Variants in MGAM observed in about 807,000 individuals in gnomAD.
The protein encoded by MGAM is maltase-glucoamylase, also known as alpha-1,4-glucosidase.
MGAM carries 253 observed loss-of-function variants against 358.8 expected under a neutral mutation model. That is an observed-to-expected ratio of 0.71 (90% CI 0.64 to 0.78). The LOEUF is 0.78. Among genes scored for constraint, MGAM ranks in the 30% least tolerant of loss-of-function variants. The probability of loss-of-function intolerance (pLI) is 0.00; values close to 1 mark genes in which losing one functional copy is unlikely to be tolerated. For missense variants in MGAM, 3,080 were observed against 3,432.6 expected (o/e 0.90, Z 2.57); for synonymous variants, 1,105 against 1,227.1 (o/e 0.90, Z 2.08).
chr7:142,003,001 G>A (rs1804854598), intron 1 of MGAM, among the ~76,000 whole-genome samples: 1 of 131,822 alleles, frequency 7.6e-6, no homozygotes, highest in African/African-American at 2.7e-5. Context: ...AAAATACCTA[G>A]TAATACATTT....
rs112980440 is a variant in MGAM, at chr7:142,061,314, C to T, written c.4122+941C>T. Among the ~76,000 whole-genome samples, 982 of 152,234 alleles carry T rather than the reference C, an allele frequency of 6.5e-3. 8 individuals are homozygous for T. Among genetic ancestry groups the T allele is most frequent in the African/African-American group, 0.023 (943 of 41,542 alleles). The stretch of plus-strand genomic sequence containing the variant: ...ATTCTCCATCCCCCACCCATCCCGT[C>T]GTTTCTAACCCTGCCTGATCTGGAG... On this transcript the variant is annotated intron_variant, in intron 34 of 70. Transcript: ENST00000475668.
chr7:142,078,699 G>C (rs1813959534), intron 48 of MGAM, 109 bp from the exon 49 acceptor site: 1 of 1,193,906 alleles, frequency 8.4e-7, no homozygotes, highest in African/African-American at 1.5e-5. Flanking sequence ...AGTGATAAGT[G>C]ATAGGCTGGT....
At chr7:142,050,603 G>T in intron 23 of MGAM, 94 bp from the exon 24 acceptor site, 2 of 1,283,826 alleles carry the variant, frequency 1.6e-6, no homozygotes, top group African/African-American at 1.5e-5. Flanking sequence ...ATGGCAGTGG[G>T]GGGTATCCGG....
chr7:142,027,457 A>T (rs1807082051), intron 9 of MGAM, among the ~76,000 whole-genome samples, 153 bp from the exon 10 acceptor site: 1 of 152,248 alleles, frequency 6.6e-6, no homozygotes, highest in South Asian at 2.1e-4. Context: ...TCAAACATTT[A>T]TGAAGGGGCT....
rs550405819 is a variant in MGAM at position 142,073,868 on chromosome 7, G to A, written c.5187-217G>A. 4.6e-4 allele frequency among the ~76,000 whole-genome samples: 67 copies of A among 146,256 alleles called. 10 individuals are homozygous for A. The highest frequency in any genetic ancestry group is 8.2e-4 in the Non-Finnish European group (53 of 64,540). ...TGGTGCTTAAATTCTTGCCTCCAAC[G>A]TAGATGTTATTGTTAATGTTTGGGG... On this transcript the variant is annotated intron_variant, in intron 44 of 70. Coordinates refer to ENST00000475668, the MANE Select transcript of MGAM (RefSeq NM_001365693.1).
At chr7:142,022,538 G>A (rs1806562264) in intron 7 of MGAM, 99 bp downstream of exon 7, 3 of 1,276,944 alleles carry the variant, frequency 2.3e-6, no homozygotes, top group Non-Finnish European at 3.2e-6. Context: ...TTAGAGTCTA[G>A]AGTGAGACTA....
At chr7:142,043,511 TATA>T (rs532818131) in intron 21 of MGAM, among the ~76,000 whole-genome samples, 2,122 of 94,632 alleles carry the variant, frequency 0.022, 367 homozygotes, top group African/African-American at 0.11. Context: ...TATATATACA[TATA>T]ATATCTAAAT....
Position 142,052,398 on chromosome 7 carries a change from G to A in MGAM, c.2910G>A (p.Glu970=), listed in dbSNP as rs1340057497. Residue 970 remains glutamate (E), a synonymous_variant, in exon 25 of 71, where the codon GAG becomes GAA. Transcript: ENST00000475668. ...DEEKIDCYPD[E]NGASAENCTA... ...AAAAAATAGACTGTTACCCTGATGA[G>A]AATGGTGCTTCTGCCGAAAACTGCA... 3.1e-6 allele frequency: 5 copies of A among 1,613,400 alleles called. No individual in the cohort carries two copies. The highest frequency in any genetic ancestry group is 4.2e-6 in the Non-Finnish European group (5 of 1,179,666).
chr7:142,079,238 G>C (rs1301604438), intron 49 of MGAM, among the ~76,000 whole-genome samples: 2 of 145,572 alleles, frequency 1.4e-5, no homozygotes, highest in African/African-American at 4.9e-5. Flanking sequence ...AGCAAGAGTG[G>C]GTACGGAGAG....
At chr7:142,039,040 G>A (rs982561159) in intron 19 of MGAM, among the ~76,000 whole-genome samples, 12 of 151,848 alleles carry the variant, frequency 7.9e-5, no homozygotes, top group African/African-American at 2.9e-4. Context: ...GGAAGGTGAA[G>A]AGGAGCAGCG....
At chr7:142,055,878 A>T (rs1811473055) in intron 28 of MGAM, 122 bp from the exon 29 acceptor site, 1 of 1,446,156 alleles carries the variant, frequency 6.9e-7, no homozygotes. Context: ...TCATGTGTTT[A>T]GTTTATGTGT....
rs1384621168 is a variant in MGAM at position 142,093,288 on chromosome 7, A to G, written c.7034-124A>G. 2.7e-5 allele frequency: 34 copies of G among 1,264,980 alleles called. 4 individuals are homozygous for G. Among genetic ancestry groups the G allele is most frequent in the Non-Finnish European group, 3.6e-5 (33 of 907,702 alleles). 78.4% of individuals were successfully genotyped at this position (1,264,980 alleles called of 1,614,324 possible). A position where few individuals can be genotyped will look rare whatever the true frequency, so the allele number is the denominator to read the frequency against. On this transcript the variant is annotated intron_variant, in intron 59 of 70. Transcript: ENST00000475668. ...GGGCGCTGTGCTCATGTCTCTGGGA[A>G]GACGGAGAGTGACACAGGCAGGACT... is the stretch of plus-strand genomic sequence containing the variant.
At chr7:142,028,692 A>G (rs2960747) in intron 10 of MGAM, among the ~76,000 whole-genome samples, 149,175 of 152,258 alleles carry the variant, frequency 0.98, 73,133 homozygotes, top group Non-Finnish European at 1. Flanking sequence ...TTGTAATTTG[A>G]CGGAAAGATA....
intron 52 of MGAM, 28 bp from the exon 53 acceptor site, chr7:142,083,272 GC>G (rs1322288969): frequency 8.1e-6 from 12 of 1,487,670 alleles, no homozygotes; most frequent in Non-Finnish European, 1.1e-5. Context: ...AAAGTTTCCA[GC>G]TTGATTAGCA....
At chr7:142,052,145 T>G in intron 24 of MGAM, 149 bp from the exon 25 acceptor site, 1 of 682,298 alleles carries the variant, frequency 1.5e-6, no homozygotes. Flanking sequence ...AATGTGCAGT[T>G]CTCTTCTTAT....
At chr7:142,035,106 T>A (rs1807866711) in intron 16 of MGAM, among the ~76,000 whole-genome samples, 1 of 152,148 alleles carries the variant, frequency 6.6e-6, no homozygotes, top group African/African-American at 2.4e-5. Flanking sequence ...TACAGAAAAG[T>A]GTATGTATCC....
intron 21 of MGAM, among the ~76,000 whole-genome samples, chr7:142,042,037 A>C (rs1203190530): frequency 2.3e-5 from 1 of 42,962 alleles, no homozygotes; most frequent in Admixed American, 4.2e-4. Context: ...TATATTATAT[A>C]CATATAATAT....
At chr7:142,040,672 A>T (rs922844702) in intron 20 of MGAM, 50 bp from the exon 21 acceptor site, 2 of 1,601,486 alleles carry the variant, frequency 1.2e-6, no homozygotes, top group African/African-American at 2.7e-5. Flanking sequence ...TAATCAGTGA[A>T]GGGCAATATG....
At chr7:142,041,493 C>G (rs1470280644) in intron 21 of MGAM, among the ~76,000 whole-genome samples, 3 of 152,058 alleles carry the variant, frequency 2.0e-5, no homozygotes, top group Admixed American at 2.0e-4. Context: ...TCAAGCTGTT[C>G]TGCACACTGA....
Sources: allele counts gnomAD v4.1 joint callset (sites outside exome capture counted in the v4.1 genomes callset), GRCh38; gene constraint gnomAD v4.1.1; transcripts MANE v1.5; gene names NCBI Gene and HGNC (gene_info 2026-07-23, HGNC 2026-07-21).